The following MAP2K1 variants were observed in gnomAD, a reference collection of about 807,000 sequenced individuals.
MAP2K1 encodes mitogen-activated protein kinase kinase 1.
MAP2K1 carries 16 observed loss-of-function variants against 46.3 expected under a neutral mutation model. That is an observed-to-expected ratio of 0.35 (90% CI 0.23 to 0.52). MAP2K1 has a LOEUF of 0.52. Among genes scored for constraint, MAP2K1 ranks in the 20% least tolerant of loss-of-function variants. The probability of loss-of-function intolerance (pLI) is 0.94; values close to 1 mark genes in which losing one functional copy is unlikely to be tolerated. For synonymous variants in MAP2K1, 183 were observed against 185.6 expected (o/e 0.99, Z 0.11); for missense variants, 263 against 497.1 (o/e 0.53, Z 4.48).
chr15:66,440,370 G>T (rs2093500496), intron 3 of MAP2K1, among the ~76,000 whole-genome samples: 1 of 152,206 alleles, frequency 6.6e-6, no homozygotes, highest in Non-Finnish European at 1.5e-5. Context: ...GGGATTAGAG[G>T]TGTGAGCCAC....
chr15:66,425,330 A>G (rs986476438), intron 1 of MAP2K1, among the ~76,000 whole-genome samples: 4 of 152,210 alleles, frequency 2.6e-5, no homozygotes, highest in African/African-American at 9.7e-5. Flanking sequence ...GCTGTGCTTC[A>G]ATACAGTTAT....
intron 1 of MAP2K1, among the ~76,000 whole-genome samples, chr15:66,427,593 A>G (rs2093462474): frequency 6.6e-6 from 1 of 152,098 alleles, no homozygotes; most frequent in African/African-American, 2.4e-5. Context: ...ATTTGATAGT[A>G]TTTATTGAGC....
intron 1 of MAP2K1, among the ~76,000 whole-genome samples, chr15:66,407,880 G>T (rs1019147630): frequency 6.6e-6 from 1 of 152,316 alleles, no homozygotes; most frequent in South Asian, 2.1e-4. Context: ...CCAAAGTAAG[G>T]TTAAGAGAAG....
At chr15:66,432,998 G>GTA (rs1488933745) in intron 1 of MAP2K1, among the ~76,000 whole-genome samples, 51 of 151,340 alleles carry the variant, frequency 3.4e-4, no homozygotes, top group African/African-American at 1.2e-3. Flanking sequence ...GTGTGTGTGT[G>GTA]TGTTGACAGC....
intron 3 of MAP2K1, among the ~76,000 whole-genome samples, chr15:66,438,158 C>T (rs2093493842): frequency 1.3e-5 from 2 of 151,400 alleles, no homozygotes; most frequent in South Asian, 4.2e-4. Context: ...GCGATGTCGG[C>T]TCACTGCAAC....
At chr15:66,486,880 C>CT (rs1555420803) in intron 7 of MAP2K1, among the ~76,000 whole-genome samples, 6 of 152,204 alleles carry the variant, frequency 3.9e-5, no homozygotes, top group African/African-American at 1.4e-4. Flanking sequence ...AGAATTAAAA[C>CT]TAAGTCCTTT....
chr15:66,467,906 T>C (rs1892506912), intron 5 of MAP2K1, among the ~76,000 whole-genome samples: 1 of 152,248 alleles, frequency 6.6e-6, no homozygotes. Flanking sequence ...TTTATAGTTT[T>C]GTAATCCCTA....
At position 66,472,075 on chromosome 15, in the gene MAP2K1, C is replaced by CA. The variant is rs56820379; in HGVS notation, c.569-9662dup. ...CTGGCAACAGAGCAAGACTCCATCT[C>CA]AAAAAAAAAAAAAAAAAAGATGCTG... On this transcript the variant is annotated intron_variant, in intron 5 of 10. Transcript: ENST00000307102. 5.1e-3 allele frequency among the ~76,000 whole-genome samples: 467 copies of CA among 91,554 alleles called. 27 individuals are homozygous for CA. The highest frequency in any genetic ancestry group is 0.013 in the East Asian group (45 of 3,342). 60.1% of individuals were successfully genotyped at this position (91,554 alleles called of 152,430 possible). A position where few individuals can be genotyped will look rare whatever the true frequency, so the allele number is the denominator to read the frequency against.
intron 1 of MAP2K1, among the ~76,000 whole-genome samples, chr15:66,392,574 A>G (rs1375159761): frequency 7.4e-5 from 9 of 121,084 alleles, no homozygotes; most frequent in Admixed American, 1.7e-4. Flanking sequence ...TTTTTTTGAG[A>G]TGGAGTTTTG....
rs1329552877 is a variant in MAP2K1, at chr15:66,420,845, GTA to G, written c.81-14174_81-14173del. Among the ~76,000 whole-genome samples, 40 of 109,712 alleles carry G rather than the reference GTA, an allele frequency of 3.6e-4. 4 individuals are homozygous for G. The highest frequency in any genetic ancestry group is 1.3e-3 in the African/African-American group (36 of 28,592). 72.0% of individuals were successfully genotyped at this position (109,712 alleles called of 152,430 possible). ...TATATATATGTGTATATATATGTGT[GTA>G]TATATATGTGTGTATATATATGTGT... On this transcript the variant is annotated intron_variant, in intron 1 of 10. Coordinates refer to ENST00000307102, the MANE Select transcript of MAP2K1 (RefSeq NM_002755.4).
At chr15:66,481,129 G>C (rs1041977637) in intron 5 of MAP2K1, among the ~76,000 whole-genome samples, 2 of 152,134 alleles carry the variant, frequency 1.3e-5, no homozygotes, top group Non-Finnish European at 2.9e-5. Flanking sequence ...CAGGTAGCAA[G>C]GGGTTCCCCT....
chr15:66,409,780 A>G (rs2093406830), intron 1 of MAP2K1, among the ~76,000 whole-genome samples: 1 of 152,160 alleles, frequency 6.6e-6, no homozygotes, highest in Non-Finnish European at 1.5e-5. Context: ...CCCCGCTAAT[A>G]TATCTAGGCT....
rs866158043 is a variant in MAP2K1 at position 66,394,253 on chromosome 15, G to T, written c.80+6826G>T. On this transcript the variant is annotated intron_variant, in intron 1 of 10. Transcript: ENST00000307102. ...CGTTCATGATTTTGGATTTTGAATT[G>T]TTTCTATGTAACCCTGAAACACTCA... Among the ~76,000 whole-genome samples the T allele has an allele frequency of 2.0e-5, 3 of 152,118 alleles. No homozygotes were observed. In the South Asian group the frequency reaches 6.2e-4, roughly 32 times the overall value.
intron 1 of MAP2K1, among the ~76,000 whole-genome samples, chr15:66,411,849 G>A (rs923236026): frequency 6.6e-6 from 1 of 152,112 alleles, no homozygotes; most frequent in Non-Finnish European, 1.5e-5. Context: ...CCCATTCTCT[G>A]TCCAGGTGCT....
chr15:66,426,881 C>T (rs931162219), intron 1 of MAP2K1, among the ~76,000 whole-genome samples: 5 of 152,194 alleles, frequency 3.3e-5, no homozygotes, highest in African/African-American at 1.2e-4. Flanking sequence ...ATAGAACTCT[C>T]CAGGTAAATA....
chr15:66,396,722 T>C (rs2140521360), intron 1 of MAP2K1, among the ~76,000 whole-genome samples: 1 of 152,210 alleles, frequency 6.6e-6, no homozygotes, highest in South Asian at 2.1e-4. Flanking sequence ...TTTGCTCTTG[T>C]TGCCCAAGCT....
intron 5 of MAP2K1, among the ~76,000 whole-genome samples, chr15:66,464,222 C>T (rs763077473): frequency 4.6e-5 from 7 of 152,108 alleles, no homozygotes; most frequent in Non-Finnish European, 7.3e-5. Flanking sequence ...AGGTAGGTCC[C>T]AAGTTACTAG....
At chr15:66,480,236 C>G (rs995703919) in intron 5 of MAP2K1, among the ~76,000 whole-genome samples, 1 of 152,000 alleles carries the variant, frequency 6.6e-6, no homozygotes, top group Non-Finnish European at 1.5e-5. Flanking sequence ...TTACAGGCGC[C>G]CACCACCACT....
intron 1 of MAP2K1, among the ~76,000 whole-genome samples, chr15:66,392,830 G>A (rs1201652701): frequency 6.6e-6 from 1 of 152,166 alleles, no homozygotes; most frequent in Non-Finnish European, 1.5e-5. Context: ...TGGGCTTACA[G>A]GCGTGAGCCA....
Sources: gnomAD v4.1 joint callset for allele counts (sites outside exome capture counted in the v4.1 genomes callset) on GRCh38, gnomAD v4.1.1 for gene constraint, MANE v1.5 for transcripts, NCBI Gene and HGNC (gene_info 2026-07-23, HGNC 2026-07-21) for gene names.